RAD51B: variants seen among roughly 807,000 people sequenced by gnomAD.
The protein encoded by RAD51B is RAD51 paralog B.
Under a neutral mutation model 42.2 loss-of-function variants are expected in RAD51B, and 38 were observed. The ratio of observed to expected loss-of-function variants is 0.90; its 90% confidence interval spans 0.70 to 1.18. RAD51B has a LOEUF of 1.18. Among genes scored for constraint, RAD51B ranks in the 50% most tolerant of loss-of-function variants. The pLI, the probability that RAD51B is intolerant of heterozygous loss-of-function variation, is 0.00. For missense variants in RAD51B, 373 were observed against 400.7 expected (o/e 0.93, Z 0.59); for synonymous variants, 154 against 145.2 (o/e 1.06, Z -0.43).
At chr14:68,369,850 T>C (rs2083217221) in intron 8 of RAD51B, among the ~76,000 whole-genome samples, 1 of 152,154 alleles carries the variant, frequency 6.6e-6, no homozygotes. Flanking sequence ...TATCTGTCTA[T>C]ATATTTTTTT....
chr14:67,901,859 C>T (rs895466722), intron 7 of RAD51B, among the ~76,000 whole-genome samples: 29 of 152,074 alleles, frequency 1.9e-4, no homozygotes, highest in African/African-American at 6.5e-4. Context: ...ATAATGTGTA[C>T]CCATGGATGT....
In RAD51B at chr14:68,364,138, C is replaced by G. The variant is rs17105466; in HGVS notation, c.854-47286C>G. 3.5e-3 allele frequency among the ~76,000 whole-genome samples: 537 copies of G among 152,342 alleles called. 5 individuals carry two copies. The highest frequency in any genetic ancestry group is 0.012 in the African/African-American group (510 of 41,578). On this transcript the variant is annotated intron_variant, in intron 8 of 10. Coordinates refer to ENST00000471583, the MANE Select transcript of RAD51B (RefSeq NM_133510.4). ...CCCTCTCTCCTTCCGCCTCCATCCTCCCTGCTCTCCGATTGCCCCAGTGTG... is the reference window on the plus strand; with the variant it reads ...CCCTCTCTCCTTCCGCCTCCATCCTGCCTGCTCTCCGATTGCCCCAGTGTG...
At chr14:67,940,402 C>G (rs1595139752) in intron 7 of RAD51B, among the ~76,000 whole-genome samples, 1 of 151,976 alleles carries the variant, frequency 6.6e-6, no homozygotes, top group African/African-American at 2.4e-5. Context: ...TTCTTAAAAG[C>G]TTTTGCTTAG....
At chr14:68,404,439 G>A (rs1021580746) in intron 8 of RAD51B, among the ~76,000 whole-genome samples, 2 of 152,154 alleles carry the variant, frequency 1.3e-5, no homozygotes, top group Non-Finnish European at 2.9e-5. Flanking sequence ...CCCATCAACA[G>A]CATTAACAAT....
At chr14:67,912,662 A>G (rs766273807) in intron 7 of RAD51B, among the ~76,000 whole-genome samples, 7 of 152,148 alleles carry the variant, frequency 4.6e-5, no homozygotes, top group Non-Finnish European at 7.4e-5. Flanking sequence ...AACTGTGATT[A>G]GGAGGATCAG....
intron 9 of RAD51B, among the ~76,000 whole-genome samples, chr14:68,419,195 A>G (rs763417942): frequency 6.6e-6 from 1 of 152,180 alleles, no homozygotes; most frequent in Admixed American, 6.5e-5. Context: ...AGCAATTGAT[A>G]TTAACTAATT....
chr14:68,298,198 A>G (rs2081650448), intron 8 of RAD51B, among the ~76,000 whole-genome samples: 2 of 152,058 alleles, frequency 1.3e-5, no homozygotes, highest in African/African-American at 4.8e-5. Flanking sequence ...TGAGTAGGGG[A>G]GGCTAGAGTT....
chr14:68,096,570 C>T (rs1165311712), intron 7 of RAD51B, among the ~76,000 whole-genome samples: 1 of 152,166 alleles, frequency 6.6e-6, no homozygotes, highest in Non-Finnish European at 1.5e-5. Flanking sequence ...AGTATTCTTT[C>T]TGTGGTTGAG....
chr14:68,402,964 C>T (rs892245339), intron 8 of RAD51B, among the ~76,000 whole-genome samples: 6 of 152,122 alleles, frequency 3.9e-5, no homozygotes, highest in South Asian at 4.1e-4. Context: ...AAAGCCCAGA[C>T]GGAGTCAGAA....
chr14:68,444,443 TGTG>T (rs2085375037), intron 9 of RAD51B, among the ~76,000 whole-genome samples: 3 of 26,852 alleles, frequency 1.1e-4, no homozygotes, highest in Admixed American at 1.0e-3. Context: ...TTGTGAATTG[TGTG>T]TGTGTGTGTG....
intron 8 of RAD51B, among the ~76,000 whole-genome samples, chr14:68,395,555 CGAG>C (rs2083892357): frequency 6.6e-6 from 1 of 152,174 alleles, no homozygotes; most frequent in Non-Finnish European, 1.5e-5. Flanking sequence ...TTTATGCTCT[CGAG>C]GTCTTCCCAC....
chr14:68,650,876 C>T lies in RAD51B; in HGVS notation c.*11+20C>T, dbSNP rs752189312. The T allele has an allele frequency of 6.7e-6, 5 of 742,554 alleles. No homozygotes were observed. The African/African-American group carries it at 8.5e-5, about 13-fold the overall frequency. The allele number at this position is 742,554 out of a possible 1,614,324, so 46.0% of individuals were successfully genotyped here. A position where few individuals can be genotyped will look rare whatever the true frequency, so the allele number is the denominator to read the frequency against. ...CTACAGGTATGAACAAAATAGCATT[C>T]TCCCTCACAACAGGGAAAAGTAACC... On this transcript the variant is annotated intron_variant, in intron 11 of 11. Transcript: ENST00000488612.
chr14:68,438,487 G>A (rs2085201214), intron 9 of RAD51B, among the ~76,000 whole-genome samples: 1 of 152,148 alleles, frequency 6.6e-6, no homozygotes. Context: ...CTGCTTACGT[G>A]GACAGTGTAT....
At chr14:68,420,720 T>C (rs897145757) in intron 9 of RAD51B, among the ~76,000 whole-genome samples, 10 of 152,228 alleles carry the variant, frequency 6.6e-5, no homozygotes, top group Non-Finnish European at 1.5e-5. Flanking sequence ...TGCAACCTGC[T>C]TTATCAGCAA....
intron 5 of RAD51B, among the ~76,000 whole-genome samples, chr14:67,876,688 C>G (rs1445838595): frequency 6.6e-6 from 1 of 152,102 alleles, no homozygotes; most frequent in Non-Finnish European, 1.5e-5. Flanking sequence ...ACAGTAAATC[C>G]TTTGATTGTG....
At chr14:68,265,476 G>A (rs533246871) in intron 7 of RAD51B, among the ~76,000 whole-genome samples, 3 of 152,284 alleles carry the variant, frequency 2.0e-5, no homozygotes, top group South Asian at 4.1e-4. Context: ...TCGGCCAGGC[G>A]CGGTGGCTCA....
intron 7 of RAD51B, among the ~76,000 whole-genome samples, chr14:67,912,581 A>T (rs2044021216): frequency 6.6e-6 from 1 of 152,202 alleles, no homozygotes; most frequent in African/African-American, 2.4e-5. Context: ...TGTAGTAAAA[A>T]TTTTAAATGA....
chr14:68,594,463 C>T (rs899264865), intron 10 of RAD51B: 84 of 1,362,138 alleles, frequency 6.2e-5, no homozygotes, highest in Non-Finnish European at 7.9e-5. Flanking sequence ...CTTTGACTTC[C>T]TTTTTTTTCT....
At chr14:68,540,630 C>T in intron 10 of RAD51B, 2 of 985,330 alleles carry the variant, frequency 2.0e-6, no homozygotes, top group Non-Finnish European at 2.4e-6. Context: ...CAAAGAAAGT[C>T]ACCTGGGGAG....
Sources: gnomAD v4.1 joint callset for allele counts (sites outside exome capture counted in the v4.1 genomes callset) on GRCh38, gnomAD v4.1.1 for gene constraint, MANE v1.5 for transcripts, NCBI Gene and HGNC (gene_info 2026-07-23, HGNC 2026-07-21) for gene names.